Variants in SYN2 observed in about 807,000 individuals in gnomAD.
SYN2 encodes the protein synapsin-2.
In SYN2, 19 loss-of-function variants were observed where a neutral mutation model predicts 50.9. That is an observed-to-expected ratio of 0.37 (90% CI 0.26 to 0.55). The LOEUF (loss-of-function observed/expected upper bound fraction) is 0.55. SYN2 is among the 20% of genes least tolerant of loss of function. The pLI is 0.81. For missense variants in SYN2, 587 were observed against 576.4 expected (o/e 1.02, Z -0.19); for synonymous variants, 255 against 224.9 (o/e 1.13, Z -1.20).
intron 11 of SYN2, chr3:12,183,635 C>T: frequency 7.0e-7 from 1 of 1,423,962 alleles, no homozygotes; most frequent in Non-Finnish European, 9.1e-7. Context: ...GCTTGTAATG[C>T]TCACTTATGT....
At chr3:12,009,247 G>A (rs1358839524) in intron 1 of SYN2, among the ~76,000 whole-genome samples, 3 of 152,112 alleles carry the variant, frequency 2.0e-5, no homozygotes, top group East Asian at 1.9e-4. Context: ...TCTCGATCTC[G>A]AGAGGGGATG....
At chr3:12,076,403 G>T (rs189309319) in intron 1 of SYN2, among the ~76,000 whole-genome samples, 3 of 151,850 alleles carry the variant, frequency 2.0e-5, no homozygotes, top group African/African-American at 4.8e-5. Context: ...CTTTTCTCAG[G>T]CTGTGTACAA....
intron 1 of SYN2, among the ~76,000 whole-genome samples, chr3:12,138,519 A>G (rs1478258938): frequency 3.3e-5 from 5 of 152,238 alleles, no homozygotes; most frequent in Non-Finnish European, 7.3e-5. Context: ...ACCTAGATGT[A>G]AACTCTTAGT....
At chr3:12,135,838 G>A (rs1206091432) in intron 1 of SYN2, among the ~76,000 whole-genome samples, 1 of 152,160 alleles carries the variant, frequency 6.6e-6, no homozygotes, top group Non-Finnish European at 1.5e-5. Context: ...TGATTGTGAG[G>A]CCACTAAGTC....
rs1697727927 is a variant in SYN2, at chr3:12,164,304, C to T, written c.980+2150C>T. On this transcript the variant is annotated intron_variant, in intron 7 of 12. Transcript: ENST00000621198. ...TAAGGGTTAAGGTTTCAAAAAACAA[C>T]TTAAACTGAAGCATAAAAAAAGAGA... 5.9e-5 allele frequency among the ~76,000 whole-genome samples: 9 copies of T among 152,224 alleles called. No individual in the cohort carries two copies. The South Asian group carries it at 1.9e-3, about 32-fold the overall frequency.
intron 1 of SYN2, among the ~76,000 whole-genome samples, chr3:12,074,155 T>G (rs1347330807): frequency 6.6e-6 from 1 of 152,164 alleles, no homozygotes; most frequent in Non-Finnish European, 1.5e-5. Context: ...ATCATATAGT[T>G]TTGTCTAATT....
At chr3:12,051,431 G>A (rs1694863289) in intron 1 of SYN2, among the ~76,000 whole-genome samples, 1 of 56,202 alleles carries the variant, frequency 1.8e-5, no homozygotes, top group South Asian at 6.8e-4. Flanking sequence ...TTCTAGTTTT[G>A]TCCTCCAGAG....
intron 1 of SYN2, among the ~76,000 whole-genome samples, chr3:12,104,570 CTTTTTTT>C (rs796837275): frequency 1.2e-4 from 10 of 81,716 alleles, no homozygotes; most frequent in African/African-American, 4.5e-4. Flanking sequence ...CTTTTCTTTT[CTTTTTTT>C]TTTTTTTTTT....
At chr3:12,114,198 A>G (rs868479837) in intron 1 of SYN2, among the ~76,000 whole-genome samples, 10 of 152,162 alleles carry the variant, frequency 6.6e-5, no homozygotes, top group Middle Eastern at 3.4e-3. Context: ...CTTAATGACG[A>G]ATGATGTTGA....
chr3:12,057,441 A>T (rs1695019137), intron 1 of SYN2, among the ~76,000 whole-genome samples: 1 of 152,138 alleles, frequency 6.6e-6, no homozygotes, highest in Non-Finnish European at 1.5e-5. Flanking sequence ...GAAGTCCTAG[A>T]ACAATCTTAA....
intron 1 of SYN2, among the ~76,000 whole-genome samples, chr3:12,012,815 A>G (rs1358258618): frequency 1.3e-5 from 2 of 151,956 alleles, no homozygotes; most frequent in African/African-American, 2.4e-5. Flanking sequence ...TCATATTCTC[A>G]TTTTCTACTG....
chr3:12,188,438 TAGG>T lies in SYN2; in HGVS notation c.1613+827_1613+829del, dbSNP rs970661603. 7.2e-5 allele frequency among the ~76,000 whole-genome samples: 11 copies of T among 152,084 alleles called. 1 individual carries two copies. The highest frequency in any genetic ancestry group is 7.2e-4 in the Admixed American group (11 of 15,276). Reference sequence around the variant, plus strand: ...CCTTCAGCACAGACAGCCGTAGCCTTAGGGGGATGGTAAGGGGATGGTAGTGAT... The same window carrying T: ...CCTTCAGCACAGACAGCCGTAGCCTTGGGATGGTAAGGGGATGGTAGTGAT... On this transcript the variant is annotated intron_variant, in intron 12 of 12. Coordinates refer to ENST00000621198, the MANE Select transcript of SYN2 (RefSeq NM_133625.6).
intron 4 of SYN2, among the ~76,000 whole-genome samples, chr3:12,149,122 C>T (rs545216655): frequency 1.3e-5 from 2 of 152,258 alleles, no homozygotes; most frequent in South Asian, 2.1e-4. Flanking sequence ...TGTTGGCTGT[C>T]CCAGGGCTCT....
intron 4 of SYN2, 91 bp from the exon 5 acceptor site, chr3:12,151,146 G>A: frequency 2.2e-6 from 2 of 909,086 alleles, no homozygotes; most frequent in South Asian, 2.9e-5. Flanking sequence ...CCTCCACAGA[G>A]CAAATGCTCA....
intron 5 of SYN2, chr3:12,153,270 G>A (rs1697357132): frequency 1.8e-6 from 1 of 567,520 alleles, no homozygotes; most frequent in Admixed American, 3.0e-5. Flanking sequence ...TAAGCCAGAA[G>A]AAACACTTGC....
chr3:12,113,660 A>C (rs891887898), intron 1 of SYN2, among the ~76,000 whole-genome samples: 2 of 152,074 alleles, frequency 1.3e-5, no homozygotes, highest in African/African-American at 4.8e-5. Context: ...TGTTTTATGG[A>C]TTAACTTATT....
chr3:12,117,022 A>G (rs755482887), intron 1 of SYN2, among the ~76,000 whole-genome samples: 1 of 152,116 alleles, frequency 6.6e-6, no homozygotes, highest in Admixed American at 6.6e-5. Context: ...AAATATGGAG[A>G]TTATAGGCAT....
At chr3:12,010,430 A>C (rs939671769) in intron 1 of SYN2, among the ~76,000 whole-genome samples, 2 of 152,250 alleles carry the variant, frequency 1.3e-5, no homozygotes, top group Non-Finnish European at 2.9e-5. Flanking sequence ...GTCCAGTCCA[A>C]TGGGAGAGGA....
intron 4 of SYN2, among the ~76,000 whole-genome samples, chr3:12,147,394 G>A (rs1391056139): frequency 6.6e-6 from 1 of 152,160 alleles, no homozygotes; most frequent in East Asian, 1.9e-4. Context: ...AGGGGGTTGG[G>A]TTCCCAAGCT....
Sources: allele counts gnomAD v4.1 joint callset (sites outside exome capture counted in the v4.1 genomes callset), GRCh38; gene constraint gnomAD v4.1.1; transcripts MANE v1.5; gene names NCBI Gene and HGNC (gene_info 2026-07-23, HGNC 2026-07-21).